The following GSAP variants were observed in gnomAD, a reference collection of about 807,000 sequenced individuals.
GSAP encodes gamma-secretase activating protein.
A neutral mutation model predicts 131.7 loss-of-function variants in GSAP; 118 were observed. The ratio of observed to expected loss-of-function variants is 0.90; its 90% CI spans 0.77 to 1.04. The LOEUF is 1.04. GSAP is among the 50% of genes least tolerant of loss of function. GSAP has a pLI of 0.00. For synonymous variants in GSAP, 381 were observed against 363.4 expected (o/e 1.05, Z -0.55); for missense variants, 1,019 against 1,013.2 (o/e 1.01, Z -0.08).
Position 77,314,501 on chromosome 7 carries a change from G to T in GSAP, c.2090-12C>A, listed in dbSNP as rs760318640. The stretch of plus-strand genomic sequence containing the variant: ...CAGAGTATGAAAACCTAGGATGAGA[G>T]ATCTGGAGGGTAAACACAGTCAGCC... On this transcript the variant is annotated splice_polypyrimidine_tract_variant and intron_variant, in intron 26 of 30. Transcript: ENST00000257626. 3 of 1,613,084 alleles carry T rather than the reference G, an allele frequency of 1.9e-6. No homozygotes were observed. Among genetic ancestry groups the T allele is most frequent in the Admixed American group, 3.3e-5 (2 of 59,910 alleles).
chr7:77,396,941 C>T (rs2054680835), intron 5 of GSAP, 41 bp downstream of exon 5: 2 of 1,131,016 alleles, frequency 1.8e-6, no homozygotes, highest in Non-Finnish European at 2.6e-6. Flanking sequence ...TACCAATAAC[C>T]TTCATCTACC....
intron 22 of GSAP, chr7:77,327,170 C>G (rs780441456): frequency 6.6e-5 from 10 of 152,186 alleles, no homozygotes; most frequent in Admixed American, 3.9e-4. Flanking sequence ...AACTAGTATA[C>G]GCAAAGCACG....
Position 77,311,468 on chromosome 7 carries a change from AG to A in GSAP, c.2474-20del. The A allele has an allele frequency of 7.0e-7, 1 of 1,419,848 alleles. No individual in the cohort carries two copies. The highest frequency in any genetic ancestry group is 1.0e-6 in the Non-Finnish European group (1 of 1,004,214). 88.0% of individuals were successfully genotyped at this position (1,419,848 alleles called of 1,614,324 possible). ...TACAGGGCTGGAAAAAAATGGGGAG[AG>A]GGCAGGGAAAAAGGGTTACCATGGG... is the stretch of plus-strand genomic sequence containing the variant. On this transcript the variant is annotated intron_variant, in intron 30 of 30. Coordinates refer to ENST00000257626, the MANE Select transcript of GSAP (RefSeq NM_017439.4).
chr7:77,357,494 G>A (rs1021966169), intron 14 of GSAP, among the ~76,000 whole-genome samples: 3 of 152,288 alleles, frequency 2.0e-5, no homozygotes, highest in East Asian at 1.9e-4. Context: ...TAGTTGGAAC[G>A]AAGTGGCCAC....
rs188046577 is a variant in GSAP at position 77,353,433 on chromosome 7, G to A, written c.1408+139C>T. 9.4e-4 allele frequency: 552 copies of A among 588,046 alleles called. 4 individuals carry two copies. In the East Asian group the frequency reaches 0.012, roughly 13 times the overall value. 36.4% of individuals were successfully genotyped at this position (588,046 alleles called of 1,614,324 possible). On this transcript the variant is annotated intron_variant, in intron 17 of 30. Transcript: ENST00000257626. ...TGAAATTTAATTAGCTGCTGACTCC[G>A]ATAGAGTTTTGTTTTTTTTTTTTAA...
At chr7:77,416,513 C>G (rs1339266627), upstream of GSAP, 16 of 409,516 alleles carry the variant, frequency 3.9e-5, no homozygotes, top group Non-Finnish European at 6.9e-5. Flanking sequence ...GCGGCCCGCA[C>G]CTGAGCCGGA....
intron 23 of GSAP, among the ~76,000 whole-genome samples, chr7:77,325,609 C>T (rs565150120): frequency 5.9e-5 from 9 of 152,266 alleles, no homozygotes; most frequent in Admixed American, 3.9e-4. Flanking sequence ...CTCCCTCTGT[C>T]GCCCAGGATG....
intron 10 of GSAP, among the ~76,000 whole-genome samples, chr7:77,375,868 AAAC>A (rs1167708888): frequency 6.7e-4 from 102 of 151,958 alleles, no homozygotes; most frequent in African/African-American, 2.3e-3. Flanking sequence ...ACAAACAAAA[AAAC>A]AACCACCATA....
intron 1 of GSAP, 132 bp downstream of exon 1, chr7:77,416,081 G>A (rs1563157536): frequency 5.8e-6 from 3 of 519,490 alleles, no homozygotes; most frequent in Non-Finnish European, 9.9e-6. Flanking sequence ...TCTGAGGAGG[G>A]GAGCGACGCC....
At chr7:77,357,350 T>C (rs1175340924) in intron 14 of GSAP, among the ~76,000 whole-genome samples, 1 of 151,906 alleles carries the variant, frequency 6.6e-6, no homozygotes, top group African/African-American at 2.4e-5. Context: ...GTAAAAGAGA[T>C]CTTGCAGATG....
chr7:77,395,763 G>A (rs372289322), intron 5 of GSAP, among the ~76,000 whole-genome samples: 4 of 152,202 alleles, frequency 2.6e-5, no homozygotes, highest in African/African-American at 4.8e-5. Flanking sequence ...CATGTGGAAA[G>A]TAAGTACAAA....
chr7:77,336,481 C>CTT (rs140795283), intron 19 of GSAP, among the ~76,000 whole-genome samples: 2 of 151,260 alleles, frequency 1.3e-5, no homozygotes, highest in South Asian at 2.1e-4. Context: ...GCCTCAAGCT[C>CTT]TTTTTTTTTG....
rs993302656 is a variant in GSAP, at chr7:77,416,312, G to A, written c.10C>T (p.Arg4Cys). The change falls in exon 1 of 31, where the codon CGC (arginine) becomes TGC (cysteine). Residue 4 changes from arginine (R) to cysteine (C), a missense_variant. Physicochemically the swap from Arg to Cys is radical, Grantham distance 180. Transcript: ENST00000257626. The stretch of plus-strand genomic sequence containing the variant: ...CCGAGGTCGAAGTCGGCGACCAGGC[G>A]AAGAGCCATCGCCCGGACACGACCA... MALRLVADFDLGKD... is the reference protein window; with the variant it reads MALCLVADFDLGKD... 6.0e-6 allele frequency: 9 copies of A among 1,493,410 alleles called. No homozygotes were observed. Among genetic ancestry groups the A allele is most frequent in the Non-Finnish European group, 8.0e-6 (9 of 1,122,866 alleles). The allele number at this position is 1,493,410 out of a possible 1,614,324, so 92.5% of individuals were successfully genotyped here.
chr7:77,346,396 T>C (rs1031535807), intron 19 of GSAP, among the ~76,000 whole-genome samples: 2 of 150,620 alleles, frequency 1.3e-5, no homozygotes, highest in Non-Finnish European at 3.0e-5. Context: ...AGAAGAACAA[T>C]TGAGTTAAGG....
In GSAP at chr7:77,396,995, G is replaced by T. The variant is rs770839553; in HGVS notation, c.354C>A (p.Asn118Lys). The T allele has an allele frequency of 4.4e-6, 7 of 1,597,840 alleles. No homozygotes were observed. Among genetic ancestry groups the T allele is most frequent in the African/African-American group, 1.3e-5 (1 of 74,524 alleles). Residue 118 changes from asparagine (N) to lysine (K), a missense_variant, in exon 5 of 31, where the codon AAC becomes AAA. Transcript: ENST00000257626. ...LVQSTKEGKRNELQPGSKCLT... is the reference protein window; with the variant it reads ...LVQSTKEGKRKELQPGSKCLT... ...TAATTTCATTACCTGGTTGAAGTTCGTTCCTTTTTCCTTCTTTAGTAGACT... is the reference window on the plus strand; with the variant it reads ...TAATTTCATTACCTGGTTGAAGTTCTTTCCTTTTTCCTTCTTTAGTAGACT...
At chr7:77,350,108 T>C (rs1792569615) in intron 18 of GSAP, among the ~76,000 whole-genome samples, 2 of 151,494 alleles carry the variant, frequency 1.3e-5, no homozygotes, top group South Asian at 2.1e-4. Context: ...AAATGATGAG[T>C]TCATGTCCTT....
intron 28 of GSAP, 139 bp downstream of exon 28, chr7:77,313,349 G>T (rs1336997143): frequency 1.7e-5 from 10 of 598,104 alleles, no homozygotes; most frequent in South Asian, 6.0e-5. Flanking sequence ...GGGACGGGTG[G>T]GATTTCTTGG....
intron 1 of GSAP, among the ~76,000 whole-genome samples, chr7:77,406,457 T>C (rs1376900361): frequency 6.6e-6 from 1 of 152,254 alleles, no homozygotes; most frequent in Non-Finnish European, 1.5e-5. Context: ...TTTTGCTTTA[T>C]GCATTTTGAG....
At chr7:77,385,460 T>A (rs186824153) in intron 6 of GSAP, among the ~76,000 whole-genome samples, 18 of 152,318 alleles carry the variant, frequency 1.2e-4, no homozygotes, top group African/African-American at 4.1e-4. Flanking sequence ...TTTAAAAACT[T>A]TTCCCCTTTC....
Sources: allele counts gnomAD v4.1 joint callset (sites outside exome capture counted in the v4.1 genomes callset), GRCh38; gene constraint gnomAD v4.1.1; transcripts MANE v1.5; gene names NCBI Gene and HGNC (gene_info 2026-07-23, HGNC 2026-07-21).